The following RIMS1 variants were observed in gnomAD, a reference collection of about 807,000 sequenced individuals.
RIMS1 encodes regulating synaptic membrane exocytosis protein 1.
RIMS1 carries 83 observed loss-of-function variants against 214.1 expected under a neutral mutation model. The ratio of observed to expected loss-of-function variants is 0.39; its 90% confidence interval spans 0.32 to 0.47. The LOEUF (loss-of-function observed/expected upper bound fraction) is 0.47, where lower values mean the gene tolerates loss of function less well. Among genes scored for constraint, RIMS1 ranks in the 20% least tolerant of loss-of-function variants. RIMS1 has a pLI of 0.99. For missense variants in RIMS1, 2,050 were observed against 2,161.8 expected, an observed-to-expected ratio of 0.95 and a Z score of 1.03; for synonymous variants, 793 against 786.8, an observed-to-expected ratio of 1.01 and a Z score of -0.13.
chr6:71,949,682 G>C, intron 1 of RIMS1, among the ~76,000 whole-genome samples: 1 of 152,208 alleles, frequency 6.6e-6, no homozygotes, highest in South Asian at 2.1e-4. Context: ...GTCATCATGT[G>C]GTATTACATA....
chr6:72,278,286 T>G (rs2087840436), intron 23 of RIMS1, among the ~76,000 whole-genome samples: 1 of 152,082 alleles, frequency 6.6e-6, no homozygotes, highest in Admixed American at 6.5e-5. Context: ...GAACTTTAAA[T>G]TTTTCAATTA....
rs545327875 is a variant in RIMS1 at position 72,007,744 on chromosome 6, C to T, written c.245+38681C>T. ...TATCGGTGATGGAAGATCAAATGAA[C>T]GAAATGAAGCGAGAAGAGAAGTTTA... is the stretch of plus-strand genomic sequence containing the variant. On this transcript the variant is annotated intron_variant, in intron 2 of 33. Transcript: ENST00000521978. Among the ~76,000 whole-genome samples the T allele has an allele frequency of 2.1e-4, 32 of 152,024 alleles. 1 individual carries two copies. The East Asian group carries it at 3.5e-3, about 17-fold the overall frequency.
At chr6:72,001,291 A>G (rs1360198061) in intron 2 of RIMS1, among the ~76,000 whole-genome samples, 1 of 152,012 alleles carries the variant, frequency 6.6e-6, no homozygotes, top group Non-Finnish European at 1.5e-5. Flanking sequence ...GATATATTTT[A>G]CTTTGTTCTT....
At position 72,171,041 on chromosome 6, in the gene RIMS1, T is replaced by C. The variant is rs1413275561; in HGVS notation, c.472-8534T>C. ...ATATAAGCTGTCCTAGGTGAGATAA[T>C]GAGAACGTCAGCAAATAAGGATTCA... On this transcript the variant is annotated intron_variant, in intron 4 of 33. Transcript: ENST00000521978. Among the ~76,000 whole-genome samples the C allele has an allele frequency of 3.3e-5, 5 of 151,984 alleles. No individual in the cohort carries two copies. In the South Asian group the frequency reaches 1.0e-3, roughly 31 times the overall value.
chr6:72,243,452 A>C (rs982409251), intron 10 of RIMS1, among the ~76,000 whole-genome samples: 14 of 151,818 alleles, frequency 9.2e-5, no homozygotes, highest in Non-Finnish European at 1.8e-4. Flanking sequence ...CATTTGCAAA[A>C]GTGTTGTACA....
Position 72,313,601 on chromosome 6 carries a change from C to G in RIMS1, c.4059C>G (p.Thr1353=), listed in dbSNP as rs1376911016. ...DVSDVSAISR[T]SSASRLSSTS... ...GTGATGTTTCCGCCATTTCCCGAACCAGCAGTGCCTCACGCCTCAGCAGCA... is the reference window on the plus strand; with the variant it reads ...GTGATGTTTCCGCCATTTCCCGAACGAGCAGTGCCTCACGCCTCAGCAGCA... The change falls in exon 28 of 34, where the codon ACC becomes ACG. Residue 1353 remains threonine (T), a synonymous_variant. Coordinates refer to ENST00000521978, the MANE Select transcript of RIMS1 (RefSeq NM_014989.7). 6.2e-7 allele frequency: 1 copy of G among 1,613,760 alleles called. No individual in the cohort carries two copies. Among genetic ancestry groups the G allele is most frequent in the Admixed American group, 1.7e-5 (1 of 59,992 alleles).
chr6:71,984,426 G>A (rs1425496789), intron 2 of RIMS1, among the ~76,000 whole-genome samples: 1 of 151,714 alleles, frequency 6.6e-6, no homozygotes, highest in Non-Finnish European at 1.5e-5. Flanking sequence ...TACAGAAGCA[G>A]CAAATGCACA....
chr6:71,998,749 T>A (rs1232654269), intron 2 of RIMS1, among the ~76,000 whole-genome samples: 1 of 152,176 alleles, frequency 6.6e-6, no homozygotes, highest in Non-Finnish European at 1.5e-5. Context: ...AAATACACTT[T>A]CATACTTAAA....
chr6:71,886,890 C>CGCCGCCGCTGCTCCTCCTCCT lies in RIMS1; in HGVS notation c.-125_-105dup. On this transcript the variant is annotated 5_prime_UTR_variant, in exon 1 of 34. Coordinates refer to ENST00000521978, the MANE Select transcript of RIMS1 (RefSeq NM_014989.7). ...GCTCTGCTGCTGCTGCTGCTGCCGC[C>CGCCGCCGCTGCTCCTCCTCCT]GCCGCCGCTGCTCCTCCTCCTGCCG... 1.0e-6 allele frequency: 1 copy of CGCCGCCGCTGCTCCTCCTCCT among 967,464 alleles called. No homozygotes were observed. Among genetic ancestry groups the CGCCGCCGCTGCTCCTCCTCCT allele is most frequent in the Non-Finnish European group, 1.5e-6 (1 of 647,354 alleles). 59.9% of individuals were successfully genotyped at this position (967,464 alleles called of 1,614,324 possible). A position where few individuals can be genotyped will look rare whatever the true frequency, so the allele number is the denominator to read the frequency against.
At chr6:72,025,848 C>G (rs1816275580) in intron 2 of RIMS1, among the ~76,000 whole-genome samples, 1 of 152,202 alleles carries the variant, frequency 6.6e-6, no homozygotes, top group Non-Finnish European at 1.5e-5. Context: ...AAAGACTTGA[C>G]TAGTGCTGGA....
chr6:71,893,626 G>A (rs1168839793), intron 1 of RIMS1, among the ~76,000 whole-genome samples: 1 of 152,084 alleles, frequency 6.6e-6, no homozygotes, highest in Non-Finnish European at 1.5e-5. Flanking sequence ...AATTGCATGT[G>A]TTTAAGAACT....
At chr6:72,133,067 A>C (rs2040704021) in intron 4 of RIMS1, among the ~76,000 whole-genome samples, 1 of 152,204 alleles carries the variant, frequency 6.6e-6, no homozygotes, top group Non-Finnish European at 1.5e-5. Context: ...CATCACTTTG[A>C]GAATGCTGTC....
chr6:71,938,351 C>T (rs1785061355), intron 1 of RIMS1, among the ~76,000 whole-genome samples: 1 of 152,180 alleles, frequency 6.6e-6, no homozygotes, highest in Non-Finnish European at 1.5e-5. Context: ...GACTCTGTGG[C>T]AGCTCTGACT....
intron 29 of RIMS1, among the ~76,000 whole-genome samples, chr6:72,362,322 A>G (rs2097854243): frequency 6.6e-6 from 1 of 152,170 alleles, no homozygotes; most frequent in East Asian, 1.9e-4. Flanking sequence ...TAAAATGAGT[A>G]TTACCATATT....
intron 4 of RIMS1, among the ~76,000 whole-genome samples, chr6:72,175,197 A>G (rs562803408): frequency 6.6e-6 from 1 of 152,344 alleles, no homozygotes; most frequent in South Asian, 2.1e-4. Flanking sequence ...AAATGGTACC[A>G]TAATAATTTT....
intron 1 of RIMS1, among the ~76,000 whole-genome samples, chr6:71,919,103 G>A (rs1376725858): frequency 1.3e-5 from 2 of 152,134 alleles, no homozygotes; most frequent in African/African-American, 4.8e-5. Flanking sequence ...ATTGGAGGAG[G>A]AAGAGTTTGG....
chr6:72,025,500 C>A lies in RIMS1; in HGVS notation c.245+56437C>A, dbSNP rs564570943. ...CTAGATAATACTCTTAACTATAATG[C>A]GATATAAGTAATATACCACACACCA... is the stretch of plus-strand genomic sequence containing the variant. On this transcript the variant is annotated intron_variant, in intron 2 of 33. Transcript: ENST00000521978. 3.7e-3 allele frequency among the ~76,000 whole-genome samples: 563 copies of A among 152,266 alleles called. 3 individuals are homozygous for A. The highest frequency in any genetic ancestry group is 0.013 in the African/African-American group (549 of 41,562).
At chr6:72,116,356 G>A (rs771762128) in intron 4 of RIMS1, among the ~76,000 whole-genome samples, 10 of 151,946 alleles carry the variant, frequency 6.6e-5, no homozygotes, top group Non-Finnish European at 1.2e-4. Context: ...ATTCTGAGTG[G>A]GGGTCAAGGT....
chr6:72,008,088 C>A (rs1459096965), intron 2 of RIMS1, among the ~76,000 whole-genome samples: 2 of 152,090 alleles, frequency 1.3e-5, no homozygotes, highest in Non-Finnish European at 2.9e-5. Context: ...GTCGGGTTAC[C>A]CACAAAGGGA....
Sources: allele counts gnomAD v4.1 joint callset (sites outside exome capture counted in the v4.1 genomes callset), GRCh38; gene constraint gnomAD v4.1.1; transcripts MANE v1.5; gene names NCBI Gene and HGNC (gene_info 2026-07-23, HGNC 2026-07-21).